NFIB: variants seen among roughly 807,000 people sequenced by gnomAD.
The protein encoded by NFIB is nuclear factor I B, also known as nuclear factor 1 B-type.
Under a neutral mutation model 61.5 loss-of-function variants are expected in NFIB, and 11 were observed. That is an observed-to-expected ratio of 0.18 (90% CI 0.11 to 0.30). The LOEUF (loss-of-function observed/expected upper bound fraction) is 0.30, where lower values mean the gene tolerates loss of function less well. NFIB is among the 10% of genes least tolerant of loss of function. NFIB has a pLI of 1.00. For missense variants in NFIB, 471 were observed against 608.9 expected (o/e 0.77, Z 2.38); for synonymous variants, 260 against 216.5 (o/e 1.20, Z -1.76).
the NFIB span, among the ~76,000 whole-genome samples, chr9:14,514,521 T>A: frequency 2.6e-5 from 4 of 152,200 alleles, no homozygotes; most frequent in East Asian, 3.9e-4. Context: ...TTTTAATGAC[T>A]TAACAAAGAA....
the NFIB span, among the ~76,000 whole-genome samples, chr9:14,514,756 T>C: frequency 1.3e-5 from 2 of 152,100 alleles, no homozygotes; most frequent in South Asian, 4.2e-4. Flanking sequence ...GAATTCTCAG[T>C]TTGGGTTGCT....
intron 2 of NFIB, among the ~76,000 whole-genome samples, chr9:14,248,500 A>C (rs1380778988): frequency 2.6e-5 from 4 of 151,978 alleles, no homozygotes; most frequent in Non-Finnish European, 4.4e-5. Context: ...CAAACTCTTG[A>C]ACTCAAGCAG....
intron 2 of NFIB, among the ~76,000 whole-genome samples, chr9:14,215,115 C>G (rs1398789208): frequency 6.6e-6 from 1 of 152,128 alleles, no homozygotes; most frequent in Non-Finnish European, 1.5e-5. Flanking sequence ...GTAAAATGAT[C>G]TTCTGTCAAG....
the NFIB span, among the ~76,000 whole-genome samples, chr9:14,452,699 C>A: frequency 1.6e-4 from 24 of 152,322 alleles, no homozygotes; most frequent in East Asian, 3.7e-3. Context: ...GGAGTCCCAA[C>A]TTGGTAGTAG....
chr9:14,195,682 T>C (rs1484165880), intron 2 of NFIB, among the ~76,000 whole-genome samples: 1 of 152,198 alleles, frequency 6.6e-6, no homozygotes, highest in Non-Finnish European at 1.5e-5. Context: ...AGCTTCCTCC[T>C]CACATTAGAC....
At chr9:14,204,807 C>A (rs754768642) in intron 2 of NFIB, 5 of 494,420 alleles carry the variant, frequency 1.0e-5, no homozygotes, top group South Asian at 2.0e-5. Context: ...AAGGGGAAGA[C>A]AAGACTGGGA....
At chr9:14,264,574 G>C (rs2057044889) in intron 2 of NFIB, among the ~76,000 whole-genome samples, 1 of 152,054 alleles carries the variant, frequency 6.6e-6, no homozygotes, top group African/African-American at 2.4e-5. Flanking sequence ...TCTATCTGAG[G>C]ATTACCCAGA....
chr9:14,381,739 A>G (rs2061491579), intron 1 of NFIB, among the ~76,000 whole-genome samples: 1 of 152,250 alleles, frequency 6.6e-6, no homozygotes, highest in Non-Finnish European at 1.5e-5. Context: ...CAAGAACAGT[A>G]TCTGGAGAAG....
chr9:14,226,414 G>A (rs1391276022), intron 2 of NFIB, among the ~76,000 whole-genome samples: 1 of 151,912 alleles, frequency 6.6e-6, no homozygotes, highest in Non-Finnish European at 1.5e-5. Flanking sequence ...CGGGCAGGGT[G>A]GCATGCACCT....
intron 2 of NFIB, among the ~76,000 whole-genome samples, chr9:14,226,678 A>G (rs919728010): frequency 6.6e-6 from 1 of 152,250 alleles, no homozygotes; most frequent in Non-Finnish European, 1.5e-5. Context: ...TTAAAAATAA[A>G]TATTAGACTA....
At chr9:14,199,774 C>T (rs1404383801) in intron 2 of NFIB, among the ~76,000 whole-genome samples, 1 of 151,264 alleles carries the variant, frequency 6.6e-6, no homozygotes, top group African/African-American at 2.5e-5. Context: ...GATCCAGGAT[C>T]CATTTTTTTT....
chr9:14,402,655 C>A (rs2061754204), upstream of NFIB, among the ~76,000 whole-genome samples: 1 of 152,048 alleles, frequency 6.6e-6, no homozygotes, highest in South Asian at 2.1e-4. Flanking sequence ...TTATTGAAAA[C>A]ATGTTCATTT....
the NFIB span, among the ~76,000 whole-genome samples, chr9:14,468,323 C>T: frequency 0.27 from 41,678 of 152,098 alleles, 5,889 homozygotes; most frequent in African/African-American, 0.33. Context: ...TAAGGTACAC[C>T]TCTTTGCCAG....
rs540567721 is a variant in NFIB at position 14,378,442 on chromosome 9, C to T, written c.108+20082G>A. On this transcript the variant is annotated intron_variant, in intron 1 of 8. Transcript: ENST00000380934. The stretch of plus-strand genomic sequence containing the variant: ...CGCAATTTTGGCTCACTGCAACCTC[C>T]GCCTCCCGGGTTCAAGCGATTCTCC... Among the ~76,000 whole-genome samples, 46 of 152,250 alleles carry T rather than the reference C, an allele frequency of 3.0e-4. 1 individual carries two copies. The highest frequency in any genetic ancestry group is 8.3e-4 in the South Asian group (4 of 4,818).
At chr9:14,464,758 T>C in the NFIB span, among the ~76,000 whole-genome samples, 2 of 152,150 alleles carry the variant, frequency 1.3e-5, no homozygotes, top group African/African-American at 4.8e-5. Context: ...GTCAGCATGC[T>C]TTGGGACCTG....
chr9:14,414,334 C>A, the NFIB span, among the ~76,000 whole-genome samples: 308 of 150,290 alleles, frequency 2.0e-3, no homozygotes, highest in Non-Finnish European at 3.8e-3. Flanking sequence ...ACTCGGGAGG[C>A]TGAGGCAGGA....
At chr9:14,441,967 T>A in the NFIB span, among the ~76,000 whole-genome samples, 1 of 152,234 alleles carries the variant, frequency 6.6e-6, no homozygotes, top group Non-Finnish European at 1.5e-5. Context: ...CTACCATTTG[T>A]TGAGCACATA....
rs75207037 is a variant in NFIB at position 14,339,826 on chromosome 9, C to A, written c.109-32306G>T. On this transcript the variant is annotated intron_variant, in intron 1 of 8. Coordinates refer to the NFIB transcript ENST00000380934. ...GCCCAGGATTATTTAAAAATTAACA[C>A]CCTGATACTTGGGGTTTTGGAAAGG... is the stretch of plus-strand genomic sequence containing the variant. Among the ~76,000 whole-genome samples, 699 of 152,262 alleles carry A rather than the reference C, an allele frequency of 4.6e-3. 19 individuals are homozygous for A. The highest frequency in any genetic ancestry group is 0.043 in the East Asian group (225 of 5,184).
At chr9:14,381,874 G>A (rs778242624) in intron 1 of NFIB, among the ~76,000 whole-genome samples, 5 of 152,252 alleles carry the variant, frequency 3.3e-5, no homozygotes, top group Non-Finnish European at 5.9e-5. Flanking sequence ...AATGAATAAG[G>A]GTGAAACGTT....
Sources: allele counts gnomAD v4.1 joint callset (sites outside exome capture counted in the v4.1 genomes callset), GRCh38; gene constraint gnomAD v4.1.1; transcripts MANE v1.5; gene names NCBI Gene and HGNC (gene_info 2026-07-23, HGNC 2026-07-21).